Variants in FBXL17 observed in about 807,000 individuals in gnomAD.
FBXL17 encodes the protein F-box/LRR-repeat protein 17.
A neutral mutation model predicts 66.2 loss-of-function variants in FBXL17; 22 were observed. The ratio of observed to expected loss-of-function variants is 0.33; its 90% CI spans 0.24 to 0.47. FBXL17 has a LOEUF of 0.47. FBXL17 is among the 20% of genes least tolerant of loss of function. FBXL17 has a pLI of 1.00. For synonymous variants in FBXL17, 474 were observed against 400.5 expected, an observed-to-expected ratio of 1.18 and a Z score of -2.19; for missense variants, 878 against 948.2, an observed-to-expected ratio of 0.93 and a Z score of 0.97.
At chr5:108,362,461 C>T (rs1748403400) in intron 3 of FBXL17, among the ~76,000 whole-genome samples, 2 of 151,904 alleles carry the variant, frequency 1.3e-5, no homozygotes, top group African/African-American at 4.8e-5. Flanking sequence ...TTGAAACAGC[C>T]CTTTATTCTT....
chr5:108,337,534 T>C (rs1193264770), intron 4 of FBXL17, among the ~76,000 whole-genome samples: 1 of 151,964 alleles, frequency 6.6e-6, no homozygotes, highest in African/African-American at 2.4e-5. Flanking sequence ...AAATTATCAA[T>C]GGATTAGTAA....
chr5:108,308,224 GGTA>G (rs527291027), intron 4 of FBXL17, among the ~76,000 whole-genome samples: 501 of 152,088 alleles, frequency 3.3e-3, no homozygotes, highest in Non-Finnish European at 5.1e-3. Context: ...AAATAACAAT[GGTA>G]GTAGTAAAAA....
chr5:108,351,275 A>T (rs1747638146), intron 3 of FBXL17, among the ~76,000 whole-genome samples: 1 of 152,236 alleles, frequency 6.6e-6, no homozygotes, highest in East Asian at 1.9e-4. Flanking sequence ...GATAAGACAC[A>T]GGGAAGGAAG....
At chr5:107,915,414 A>G (rs1372059483) in intron 7 of FBXL17, among the ~76,000 whole-genome samples, 1 of 152,188 alleles carries the variant, frequency 6.6e-6, no homozygotes, top group Non-Finnish European at 1.5e-5. Context: ...GATAACTGCT[A>G]TTTCATAAGA....
At position 108,272,119 on chromosome 5, in the gene FBXL17, T is replaced by C. The variant is rs560537336; in HGVS notation, c.1507-47891A>G. On this transcript the variant is annotated intron_variant, in intron 4 of 8. Coordinates refer to ENST00000542267, the MANE Select transcript of FBXL17 (RefSeq NM_001163315.3). The stretch of plus-strand genomic sequence containing the variant: ...TCCTGGCTAACACGGTGAAACCCCA[T>C]CTCTACTAAAAATACAAACAAATTA... 5.9e-5 allele frequency among the ~76,000 whole-genome samples: 9 copies of C among 152,022 alleles called. No individual in the cohort carries two copies. The South Asian group carries it at 1.7e-3, about 28-fold the overall frequency.
At chr5:108,065,582 CCTT>C (rs1447782161) in intron 6 of FBXL17, among the ~76,000 whole-genome samples, 1 of 152,106 alleles carries the variant, frequency 6.6e-6, no homozygotes, top group African/African-American at 2.4e-5. Flanking sequence ...CTTCTAGTTG[CCTT>C]CTTATTCTCA....
At chr5:108,267,658 G>A (rs1757099347) in intron 4 of FBXL17, among the ~76,000 whole-genome samples, 2 of 151,952 alleles carry the variant, frequency 1.3e-5, no homozygotes, top group South Asian at 2.1e-4. Flanking sequence ...GAATACCAAA[G>A]TACTCACCAC....
chr5:108,204,992 A>C (rs1306877485), intron 5 of FBXL17, among the ~76,000 whole-genome samples: 2 of 151,676 alleles, frequency 1.3e-5, no homozygotes, highest in African/African-American at 4.8e-5. Flanking sequence ...CTTACTGCAG[A>C]CTCTAACTCT....
chr5:108,348,654 A>T (rs772269833), intron 3 of FBXL17, 124 bp from the exon 4 acceptor site: 27 of 944,534 alleles, frequency 2.9e-5, no homozygotes, highest in Non-Finnish European at 3.9e-5. Context: ...TTACTTGTAA[A>T]ATAAGATAGA....
intron 6 of FBXL17, among the ~76,000 whole-genome samples, chr5:108,158,627 C>T (rs1157951136): frequency 1.3e-5 from 2 of 151,716 alleles, no homozygotes; most frequent in Non-Finnish European, 2.9e-5. Flanking sequence ...GAGACTGGAG[C>T]AGAAGGAACA....
intron 7 of FBXL17, among the ~76,000 whole-genome samples, chr5:107,982,714 T>C (rs1314196769): frequency 6.6e-6 from 1 of 152,250 alleles, no homozygotes; most frequent in African/African-American, 2.4e-5. Context: ...CTTCATGTCA[T>C]ATTTAATAGA....
chr5:108,376,850 G>A (rs541189740), intron 1 of FBXL17, among the ~76,000 whole-genome samples: 1 of 144,758 alleles, frequency 6.9e-6, no homozygotes, highest in Non-Finnish European at 1.5e-5. Context: ...GCAGCGGTGT[G>A]ATCTCGGCTC....
In FBXL17 at chr5:107,954,048, T is replaced by C. The variant is rs1463169627; in HGVS notation, c.1822+66877A>G. On this transcript the variant is annotated intron_variant, in intron 7 of 8. Coordinates refer to ENST00000542267, the MANE Select transcript of FBXL17 (RefSeq NM_001163315.3). ...CTCAATAAATTCTCACTGTGTTGAA[T>C]CACATTTCTTTATAACTTGTTATTG... 2.0e-5 allele frequency among the ~76,000 whole-genome samples: 3 copies of C among 152,242 alleles called. No individual in the cohort carries two copies. In the East Asian group the frequency reaches 5.8e-4, roughly 29 times the overall value.
chr5:108,279,145 G>A (rs1208070760), intron 4 of FBXL17, among the ~76,000 whole-genome samples: 1 of 152,094 alleles, frequency 6.6e-6, no homozygotes, highest in Non-Finnish European at 1.5e-5. Context: ...CATCAACAAT[G>A]CCATGTCAGC....
intron 4 of FBXL17, among the ~76,000 whole-genome samples, chr5:108,234,968 A>C (rs1460101663): frequency 6.6e-6 from 1 of 152,198 alleles, no homozygotes; most frequent in East Asian, 1.9e-4. Context: ...TAAGACTTGA[A>C]GTTTTCTTGG....
chr5:107,891,006 T>C (rs1561519907), intron 7 of FBXL17, among the ~76,000 whole-genome samples: 1 of 152,128 alleles, frequency 6.6e-6, no homozygotes, highest in Non-Finnish European at 1.5e-5. Context: ...ATAAATAGAC[T>C]ATATAATTTT....
chr5:108,380,399 C>G (rs896377121), intron 1 of FBXL17, among the ~76,000 whole-genome samples: 2 of 152,100 alleles, frequency 1.3e-5, no homozygotes, highest in African/African-American at 4.8e-5. Context: ...TTTTTTTTTC[C>G]ACAGAATACC....
At chr5:108,340,349 G>A (rs922488108) in intron 4 of FBXL17, among the ~76,000 whole-genome samples, 1 of 149,340 alleles carries the variant, frequency 6.7e-6, no homozygotes, top group East Asian at 2.0e-4. Flanking sequence ...CCGGGAGTTC[G>A]AGACCAGCCT....
chr5:108,224,971 T>C (rs1463200625), intron 4 of FBXL17, among the ~76,000 whole-genome samples: 1 of 152,064 alleles, frequency 6.6e-6, no homozygotes, highest in Non-Finnish European at 1.5e-5. Context: ...TACCATAAAA[T>C]TCACCCTTTC....
Sources: gnomAD v4.1 joint callset for allele counts (sites outside exome capture counted in the v4.1 genomes callset) on GRCh38, gnomAD v4.1.1 for gene constraint, MANE v1.5 for transcripts, NCBI Gene and HGNC (gene_info 2026-07-23, HGNC 2026-07-21) for gene names.